Variants in PLEKHA5 observed in about 807,000 individuals in gnomAD.
PLEKHA5 encodes the protein pleckstrin homology domain containing A5, also known as pleckstrin homology domain-containing family A member 5.
In PLEKHA5, 55 loss-of-function variants were observed where a neutral mutation model predicts 181.9. That is an observed-to-expected ratio of 0.30 (90% confidence interval 0.24 to 0.38). The LOEUF (loss-of-function observed/expected upper bound fraction) is 0.38, where lower values mean the gene tolerates loss of function less well. Ranked by LOEUF, PLEKHA5 falls within the 10% of genes least tolerant of loss-of-function variation. The pLI, the probability that PLEKHA5 is intolerant of heterozygous loss-of-function variation, is 1.00. For synonymous variants in PLEKHA5, 535 were observed against 529.4 expected, an observed-to-expected ratio of 1.01 and a Z score of -0.15; for missense variants, 1,432 against 1,549.5, an observed-to-expected ratio of 0.92 and a Z score of 1.27.
Position 19,336,577 on chromosome 12 carries a change from C to A in PLEKHA5, c.2511C>A (p.Asn837Lys), listed in dbSNP as rs1484121064. The A allele has an allele frequency of 3.9e-5, 63 of 1,607,942 alleles. No homozygotes were observed. Among genetic ancestry groups the A allele is most frequent in the Non-Finnish European group, 5.0e-5 (59 of 1,175,192 alleles). ...AATACGATGTAACTGTTACCAGGAA[C>A]CAGATGCAAGAGCAGCTGGATCACC... ...KLEYDVTVTR[N>K]QMQEQLDHLG... Residue 837 changes from asparagine (N) to lysine (K), a missense_variant, in exon 21 of 32, where the codon AAC (asparagine) becomes AAA (lysine). Physicochemically the swap from Asn to Lys is moderately conservative, Grantham distance 94. Coordinates refer to ENST00000429027, the MANE Select transcript of PLEKHA5 (RefSeq NM_001256470.2).
rs750923063 is a variant in PLEKHA5, at chr12:19,354,143, C to CTTTTTTTTTTTTTTTTTTTTTTTT, written c.3138+144_3138+167dup. 2.7e-5 allele frequency: 2 copies of CTTTTTTTTTTTTTTTTTTTTTTTT among 73,892 alleles called. 1 individual carries two copies. The highest frequency in any genetic ancestry group is 1.2e-4 in the African/African-American group (2 of 17,306). 4.6% of individuals were successfully genotyped at this position (73,892 alleles called of 1,614,324 possible). A position where few individuals can be genotyped will look rare whatever the true frequency, so the allele number is the denominator to read the frequency against. Reference sequence around the variant, plus strand: ...TTAGTAATCTTAGTTATTCTTTATTCTTTTTTTTTTTTTTTTTTTTTTTTT... The same window carrying CTTTTTTTTTTTTTTTTTTTTTTTT: ...TTAGTAATCTTAGTTATTCTTTATTCTTTTTTTTTTTTTTTTTTTTTTTTTTTTTTTTTTTTTTTTTTTTTTTTT... On this transcript the variant is annotated intron_variant, in intron 26 of 31. Coordinates refer to ENST00000429027, the MANE Select transcript of PLEKHA5 (RefSeq NM_001256470.2).
At chr12:19,229,495 GGAGTTGTTTGTTCCTCCTGTCTA>G (rs1462699159) in intron 3 of PLEKHA5, among the ~76,000 whole-genome samples, 1 of 151,950 alleles carries the variant, frequency 6.6e-6, no homozygotes, top group Non-Finnish European at 1.5e-5. Context: ...TGGCATGTCT[GGAGTTGTTTGTTCCTCCTGTCTA>G]GAGTTGTTCA....
At chr12:19,345,767 A>C in intron 22 of PLEKHA5, 75 bp from the exon 23 acceptor site, 1 of 783,150 alleles carries the variant, frequency 1.3e-6, no homozygotes, top group South Asian at 1.9e-5. Context: ...ATTTCAAAAA[A>C]ACAAAAGAAA....
chr12:19,219,352 A>G (rs139519120), intron 3 of PLEKHA5, among the ~76,000 whole-genome samples: 2 of 152,154 alleles, frequency 1.3e-5, no homozygotes, highest in African/African-American at 4.8e-5. Flanking sequence ...TTTAGTAACA[A>G]TTCTGTTGAT....
In PLEKHA5 at chr12:19,290,754, A is replaced by G. The variant is rs952647119; in HGVS notation, c.1941A>G (p.Leu647=). Residue 647 remains leucine (L), a synonymous_variant, in exon 14 of 32, where the codon TTA becomes TTG. Coordinates refer to ENST00000429027, the MANE Select transcript of PLEKHA5 (RefSeq NM_001256470.2). The part of the protein sequence containing the change: ...AELSSIREHT[L]AQLMQLKLEA... ...TGAGTAGTATCCGGGAGCATACGTT[A>G]GCACAGCTCATGCAGCTAAAGCTTG... is the stretch of plus-strand genomic sequence containing the variant. The G allele has an allele frequency of 3.9e-5, 60 of 1,535,976 alleles. No homozygotes were observed. Among genetic ancestry groups the G allele is most frequent in the Non-Finnish European group, 4.7e-5 (54 of 1,146,592 alleles).
chr12:19,310,630 A>G (rs2086147721), intron 15 of PLEKHA5, among the ~76,000 whole-genome samples: 1 of 130,950 alleles, frequency 7.6e-6, no homozygotes, highest in South Asian at 2.4e-4. Flanking sequence ...AAAAAAAAGA[A>G]TGCAGGCTAG....
At chr12:19,164,901 A>G (rs935263328) in intron 3 of PLEKHA5, among the ~76,000 whole-genome samples, 1 of 152,030 alleles carries the variant, frequency 6.6e-6, no homozygotes, top group Non-Finnish European at 1.5e-5. Flanking sequence ...TCAATTGAAG[A>G]TATTCCAAAG....
In PLEKHA5 at chr12:19,366,109, G is replaced by A. The variant is rs752591991; in HGVS notation, c.3754G>A (p.Val1252Met). The A allele has an allele frequency of 3.7e-6, 6 of 1,608,324 alleles. No individual in the cohort carries two copies. In the East Asian group the frequency reaches 1.1e-4, roughly 30 times the overall value. ...EVSRGNQTMA[V>M]KSLSPSPESS... ...TTCTAGAGGAAATCAAACAATGGCAGGTAGGTAGTATACACTTCATAATTT... is the reference window on the plus strand; with the variant it reads ...TTCTAGAGGAAATCAAACAATGGCAAGTAGGTAGTATACACTTCATAATTT... Residue 1252 changes from valine to methionine, a missense_variant and splice_region_variant, in exon 30 of 32, where the codon GTG becomes ATG. Around this residue, in one of 2 missense-constraint regions of PLEKHA5, gnomAD observed 1,143 missense variants for 1,168.4 expected, o/e 0.98. Coordinates refer to ENST00000429027, the MANE Select transcript of PLEKHA5 (RefSeq NM_001256470.2).
intron 3 of PLEKHA5, among the ~76,000 whole-genome samples, chr12:19,171,950 C>T (rs1301959067): frequency 1.3e-5 from 2 of 152,140 alleles, no homozygotes; most frequent in African/African-American, 2.4e-5. Context: ...GGCAGTAACA[C>T]TCATGGAGCT....
intron 13 of PLEKHA5, among the ~76,000 whole-genome samples, chr12:19,290,016 C>G (rs912484793): frequency 6.6e-6 from 1 of 151,976 alleles, no homozygotes; most frequent in South Asian, 2.1e-4. Context: ...GATCTCGGCT[C>G]ACTGCAAACT....
chr12:19,143,369 T>A (rs1254187769), intron 3 of PLEKHA5, among the ~76,000 whole-genome samples: 1 of 152,252 alleles, frequency 6.6e-6, no homozygotes, highest in Admixed American at 6.5e-5. Flanking sequence ...ACGTTTAGTG[T>A]ATATGCTTCT....
chr12:19,199,809 G>T (rs1420262905), intron 3 of PLEKHA5, among the ~76,000 whole-genome samples: 1 of 152,010 alleles, frequency 6.6e-6, no homozygotes, highest in African/African-American at 2.4e-5. Flanking sequence ...TTTTTGAAAA[G>T]GGTCACTAAA....
intron 21 of PLEKHA5, among the ~76,000 whole-genome samples, chr12:19,339,256 G>C (rs1391050189): frequency 1.3e-5 from 2 of 151,994 alleles, no homozygotes; most frequent in Non-Finnish European, 2.9e-5. Flanking sequence ...AGCCAGGCTG[G>C]TCTTGAACAC....
intron 3 of PLEKHA5, among the ~76,000 whole-genome samples, chr12:19,248,159 G>A (rs1170796450): frequency 2.0e-5 from 3 of 152,134 alleles, no homozygotes; most frequent in Admixed American, 6.6e-5. Context: ...GGAGGTTGAG[G>A]CTGCAGAGAG....
At chr12:19,167,434 T>G (rs1358879815) in intron 3 of PLEKHA5, among the ~76,000 whole-genome samples, 1 of 82,878 alleles carries the variant, frequency 1.2e-5, no homozygotes, top group African/African-American at 3.9e-5. Flanking sequence ...TTTTTTTTTT[T>G]GCTTTGGAAG....
Position 19,213,307 on chromosome 12 carries a change from A to G in PLEKHA5, c.228-40633A>G, listed in dbSNP as rs980871126. Among the ~76,000 whole-genome samples the G allele has an allele frequency of 1.0e-3, 7 of 6,856 alleles. No homozygotes were observed. The Non-Finnish European group carries it at 0.022, about 22-fold the overall frequency. 4.5% of individuals were successfully genotyped at this position (6,856 alleles called of 152,430 possible). On this transcript the variant is annotated intron_variant, in intron 3 of 31. Transcript: ENST00000429027. Reference sequence around the variant, plus strand: ...CATTTGCTAAGCATGGTTTCTTTGAAAAAAAAAAATTGCTAAGCAGAAAAG... The same window carrying G: ...CATTTGCTAAGCATGGTTTCTTTGAGAAAAAAAAATTGCTAAGCAGAAAAG...
rs2033303534 is a variant in PLEKHA5 at position 19,130,496 on chromosome 12, A to C, written c.169+366A>C. Among the ~76,000 whole-genome samples the C allele has an allele frequency of 7.0e-6, 1 of 143,514 alleles. No homozygotes were observed. The highest frequency in any genetic ancestry group is 2.1e-4 in the East Asian group (1 of 4,876). 94.2% of individuals were successfully genotyped at this position (143,514 alleles called of 152,430 possible). A position where few individuals can be genotyped will look rare whatever the true frequency, so the allele number is the denominator to read the frequency against. On this transcript the variant is annotated intron_variant, in intron 2 of 31. Coordinates refer to ENST00000429027, the MANE Select transcript of PLEKHA5 (RefSeq NM_001256470.2). The surrounding 1 kb of genome is among the most constrained non-coding windows in gnomAD (Gnocchi z 4.5). ...CGCGGCCGCTACTCACTCCCCGGTG[A>C]CCCCCAGCTGCCGTCTTGCCCCCCA...
chr12:19,206,487 C>T (rs1288263303), intron 3 of PLEKHA5, among the ~76,000 whole-genome samples: 1 of 151,956 alleles, frequency 6.6e-6, no homozygotes, highest in Admixed American at 6.6e-5. Context: ...TTATTTCCTT[C>T]GGGGAAAATC....
At chr12:19,217,774 G>C (rs916469262) in intron 3 of PLEKHA5, among the ~76,000 whole-genome samples, 3 of 152,216 alleles carry the variant, frequency 2.0e-5, no homozygotes, top group Non-Finnish European at 4.4e-5. Context: ...AGCAGTTTCA[G>C]TAGCATGATT....
Sources: gnomAD v4.1 joint callset for allele counts (sites outside exome capture counted in the v4.1 genomes callset) on GRCh38, gnomAD v4.1.1 for gene constraint, gnomAD v4.1.1 regional missense constraint, Gnocchi (gnomAD v3.1) non-coding constraint, MANE v1.5 for transcripts, NCBI Gene and HGNC (gene_info 2026-07-23, HGNC 2026-07-21) for gene names.